FHIT: variants seen among roughly 807,000 people sequenced by gnomAD.
The protein encoded by FHIT is bis(5'-adenosyl)-triphosphatase.
In FHIT, 19 loss-of-function variants were observed where a neutral mutation model predicts 17.9. The ratio of observed to expected loss-of-function variants is 1.06; its 90% CI spans 0.74 to 1.56. The LOEUF (loss-of-function observed/expected upper bound fraction) is 1.56. FHIT is among the 40% of genes most tolerant of loss of function. The pLI is 0.00. For synonymous variants in FHIT, 81 were observed against 69.7 expected, an observed-to-expected ratio of 1.16 and a Z score of -0.81; for missense variants, 248 against 189.2, an observed-to-expected ratio of 1.31 and a Z score of -1.82.
At chr3:60,717,804 T>G (rs184971231) in intron 4 of FHIT, among the ~76,000 whole-genome samples, 69 of 152,272 alleles carry the variant, frequency 4.5e-4, no homozygotes, top group Admixed American at 4.5e-3. Context: ...AAGGAACTAC[T>G]TAGCCAACTC....
intron 4 of FHIT, among the ~76,000 whole-genome samples, chr3:60,792,136 G>T (rs782005238): frequency 6.6e-6 from 1 of 152,160 alleles, no homozygotes. Context: ...AATGAGGATG[G>T]CTTCCTGCTC....
chr3:60,242,302 A>G (rs1368762308), intron 5 of FHIT, among the ~76,000 whole-genome samples: 4 of 152,108 alleles, frequency 2.6e-5, no homozygotes, highest in Admixed American at 2.6e-4. Context: ...TTAAAATCCT[A>G]TAATATTTCA....
chr3:60,584,670 T>A (rs1553661033), intron 4 of FHIT, among the ~76,000 whole-genome samples: 2 of 152,036 alleles, frequency 1.3e-5, no homozygotes, highest in Non-Finnish European at 2.9e-5. Context: ...TATGTGTTCA[T>A]CTAACATGGA....
At chr3:60,912,223 T>C (rs1465821681) in intron 3 of FHIT, among the ~76,000 whole-genome samples, 1 of 152,184 alleles carries the variant, frequency 6.6e-6, no homozygotes, top group Non-Finnish European at 1.5e-5. Context: ...ACATGTAATC[T>C]GAAGGCCTGA....
chr3:61,158,609 C>T (rs547894776), intron 2 of FHIT, among the ~76,000 whole-genome samples: 2 of 149,358 alleles, frequency 1.3e-5, no homozygotes, highest in Non-Finnish European at 3.0e-5. Context: ...TCCTCACATG[C>T]TCCCTCCTTT....
intron 7 of FHIT, among the ~76,000 whole-genome samples, chr3:59,947,442 A>T (rs1706868056): frequency 6.6e-6 from 1 of 151,822 alleles, no homozygotes; most frequent in Admixed American, 6.6e-5. Flanking sequence ...AATCTGATTA[A>T]TTTTTTCAAA....
At chr3:59,839,132 C>T (rs996522543) in intron 8 of FHIT, among the ~76,000 whole-genome samples, 2 of 152,010 alleles carry the variant, frequency 1.3e-5, no homozygotes, top group African/African-American at 4.8e-5. Context: ...GCCTGGCCAA[C>T]ATGGTGAAAC....
chr3:59,901,501 G>T (rs1704328734), intron 8 of FHIT, among the ~76,000 whole-genome samples: 1 of 152,172 alleles, frequency 6.6e-6, no homozygotes, highest in Admixed American at 6.5e-5. Context: ...CTATACAAAT[G>T]ACCAAGGGGC....
chr3:61,107,415 A>C (rs1047059084), intron 2 of FHIT, among the ~76,000 whole-genome samples: 2 of 152,214 alleles, frequency 1.3e-5, no homozygotes, highest in Non-Finnish European at 2.9e-5. Flanking sequence ...AGCTATTATG[A>C]ATAATGCTAC....
rs376433558 is a variant in FHIT, at chr3:61,202,669, C to T, written c.-212-2004G>A. On this transcript the variant is annotated intron_variant, in intron 1 of 9. Coordinates refer to ENST00000492590, the MANE Select transcript of FHIT (RefSeq NM_002012.4). ...CATATATCAGAATGAAACCACAGAA[C>T]GCAGAGATAAAAATAAAATCTTAAA... Among the ~76,000 whole-genome samples the T allele has an allele frequency of 5.9e-4, 89 of 151,682 alleles. 1 individual carries two copies. The South Asian group carries it at 6.2e-3, about 11-fold the overall frequency.
intron 4 of FHIT, among the ~76,000 whole-genome samples, chr3:60,580,118 C>T (rs1158244670): frequency 1.3e-5 from 2 of 152,250 alleles, no homozygotes; most frequent in East Asian, 3.9e-4. Context: ...GTATCATATG[C>T]TATCCTGAGG....
intron 5 of FHIT, among the ~76,000 whole-genome samples, chr3:60,400,966 C>T (rs905972032): frequency 6.6e-6 from 1 of 151,708 alleles, no homozygotes; most frequent in Non-Finnish European, 1.5e-5. Context: ...GCTTAAATTC[C>T]TTAGTGCTGC....
At chr3:61,220,541 A>C (rs1290631642) in intron 1 of FHIT, among the ~76,000 whole-genome samples, 2 of 152,198 alleles carry the variant, frequency 1.3e-5, no homozygotes, top group African/African-American at 4.8e-5. Context: ...TGACCAGAAT[A>C]ATTCTTACTT....
intron 3 of FHIT, among the ~76,000 whole-genome samples, chr3:60,986,830 G>A (rs928265935): frequency 2.6e-5 from 4 of 152,012 alleles, no homozygotes; most frequent in African/African-American, 9.7e-5. Context: ...AGTTCTCTGT[G>A]GGCACTTACT....
At position 60,785,894 on chromosome 3, in the gene FHIT, A is replaced by AAAACACACAC. The variant is rs782044415; in HGVS notation, c.-18+36024_-18+36025insGTGTGTGTTT. Among the ~76,000 whole-genome samples, 685 of 70,224 alleles carry AAAACACACAC rather than the reference A, an allele frequency of 9.8e-3. 5 individuals carry two copies. Among genetic ancestry groups the AAAACACACAC allele is most frequent in the African/African-American group, 0.034 (617 of 18,276 alleles). The allele number at this position is 70,224 out of a possible 152,430, so 46.1% of individuals were successfully genotyped here. A position where few individuals can be genotyped will look rare whatever the true frequency, so the allele number is the denominator to read the frequency against. On this transcript the variant is annotated intron_variant, in intron 4 of 9. Transcript: ENST00000492590. ...AAGCTAACTCAAATGCAACAAACAG[A>AAAACACACAC]AGACACACACACACACACACACACA...
intron 2 of FHIT, among the ~76,000 whole-genome samples, chr3:61,064,575 T>C (rs1457385880): frequency 6.6e-6 from 1 of 152,202 alleles, no homozygotes; most frequent in Non-Finnish European, 1.5e-5. Flanking sequence ...CTTTCAACCT[T>C]ACTTCAGAGT....
chr3:59,907,337 C>T (rs1704629391), intron 8 of FHIT, among the ~76,000 whole-genome samples: 1 of 152,192 alleles, frequency 6.6e-6, no homozygotes, highest in South Asian at 2.1e-4. Context: ...CACTGGTGTG[C>T]CATTTCCTTC....
In FHIT at chr3:60,554,613, G is replaced by A. The variant is rs144965261; in HGVS notation, c.-17-17634C>T. On this transcript the variant is annotated intron_variant, in intron 4 of 9. Coordinates refer to ENST00000492590, the MANE Select transcript of FHIT (RefSeq NM_002012.4). ...GGGTTCCTGTAGCATCCCTTTATCA[G>A]AGCAAGGCCAGTCAGAGGTTAAGAA... Among the ~76,000 whole-genome samples the A allele has an allele frequency of 2.2e-3, 335 of 152,252 alleles. 1 individual carries two copies. The highest frequency in any genetic ancestry group is 7.7e-3 in the African/African-American group (318 of 41,542).
At chr3:60,806,650 GGAT>G (rs1553734329) in intron 4 of FHIT, among the ~76,000 whole-genome samples, 1 of 152,192 alleles carries the variant, frequency 6.6e-6, no homozygotes, top group African/African-American at 2.4e-5. Context: ...CCTGGTAGGA[GGAT>G]GATTTATAGT....
Sources: allele counts gnomAD v4.1 joint callset (sites outside exome capture counted in the v4.1 genomes callset), GRCh38; gene constraint gnomAD v4.1.1; transcripts MANE v1.5; gene names NCBI Gene and HGNC (gene_info 2026-07-23, HGNC 2026-07-21).